The following HS6ST3 variants were observed in gnomAD, a reference collection of about 807,000 sequenced individuals.
HS6ST3 encodes heparan-sulfate 6-O-sulfotransferase 3.
Under a neutral mutation model 36.7 loss-of-function variants are expected in HS6ST3, and 12 were observed. That is an observed-to-expected ratio of 0.33 (90% CI 0.21 to 0.53). HS6ST3 has a LOEUF of 0.53. Ranked by LOEUF, HS6ST3 falls within the 20% of genes least tolerant of loss-of-function variation. The pLI is 0.95. For synonymous variants in HS6ST3, 240 were observed against 257.5 expected, an observed-to-expected ratio of 0.93 and a Z score of 0.65; for missense variants, 584 against 640.9, an observed-to-expected ratio of 0.91 and a Z score of 0.96.
At chr13:96,613,581 A>G (rs2056463459) in intron 1 of HS6ST3, among the ~76,000 whole-genome samples, 1 of 152,242 alleles carries the variant, frequency 6.6e-6, no homozygotes, top group African/African-American at 2.4e-5. Flanking sequence ...TGATATAGAA[A>G]TATAATGATA....
At chr13:96,666,859 G>T (rs1197473711) in intron 1 of HS6ST3, among the ~76,000 whole-genome samples, 1 of 152,108 alleles carries the variant, frequency 6.6e-6, no homozygotes, top group African/African-American at 2.4e-5. Flanking sequence ...ATATAGGAGA[G>T]TGAGTCTAGT....
At chr13:96,818,805 T>C (rs1180011625) in intron 1 of HS6ST3, among the ~76,000 whole-genome samples, 3 of 152,230 alleles carry the variant, frequency 2.0e-5, no homozygotes, top group African/African-American at 7.2e-5. Flanking sequence ...TGGTCTTTTC[T>C]TGATATAGAG....
At chr13:96,383,046 CA>C in intron 1 of HS6ST3, among the ~76,000 whole-genome samples, 1 of 152,196 alleles carries the variant, frequency 6.6e-6, no homozygotes, top group Non-Finnish European at 1.5e-5. Flanking sequence ...AACTTACCTC[CA>C]CACTGTGGTA....
At chr13:96,458,638 C>CAAAA in intron 1 of HS6ST3, among the ~76,000 whole-genome samples, 1 of 59,154 alleles carries the variant, frequency 1.7e-5, no homozygotes, top group Non-Finnish European at 3.6e-5. Flanking sequence ...GTTCTCAAGA[C>CAAAA]AAAAAAAAAA....
chr13:96,280,341 TA>T (rs542176169), intron 1 of HS6ST3, among the ~76,000 whole-genome samples: 127 of 151,320 alleles, frequency 8.4e-4, no homozygotes, highest in Non-Finnish European at 1.4e-3. Context: ...TTCTGTCCAT[TA>T]AAAAAAAATC....
chr13:96,622,898 A>G (rs537404993), intron 1 of HS6ST3, among the ~76,000 whole-genome samples: 2 of 152,186 alleles, frequency 1.3e-5, no homozygotes, highest in East Asian at 3.9e-4. Context: ...CTCTATTTCT[A>G]GACATTCCAG....
chr13:96,795,244 C>A lies in HS6ST3; in HGVS notation c.708-37246C>A, dbSNP rs184229137. Among the ~76,000 whole-genome samples the A allele has an allele frequency of 3.7e-3, 556 of 152,016 alleles. 1 individual carries two copies. Among genetic ancestry groups the A allele is most frequent in the Non-Finnish European group, 6.5e-3 (443 of 67,958 alleles). Reference sequence around the variant, plus strand: ...GTGACTGGTAACATTATTACCCAGTCTTATTATCACAATACTATAATAATA... The same window carrying A: ...GTGACTGGTAACATTATTACCCAGTATTATTATCACAATACTATAATAATA... On this transcript the variant is annotated intron_variant, in intron 1 of 1. Coordinates refer to ENST00000376705, the MANE Select transcript of HS6ST3 (RefSeq NM_153456.4).
chr13:96,513,033 G>T (rs9516714), intron 1 of HS6ST3, among the ~76,000 whole-genome samples: 117,537 of 151,854 alleles, frequency 0.77, 47,815 homozygotes, highest in Non-Finnish European at 0.9. Flanking sequence ...ACACCAATTG[G>T]ATGATTCTAA....
intron 1 of HS6ST3, among the ~76,000 whole-genome samples, chr13:96,722,205 C>T (rs1225092026): frequency 6.6e-6 from 1 of 152,008 alleles, no homozygotes. Flanking sequence ...GCAGAGGTTT[C>T]AGTGAGCCAA....
intron 1 of HS6ST3, among the ~76,000 whole-genome samples, chr13:96,804,808 C>T (rs1199221997): frequency 6.6e-5 from 10 of 152,050 alleles, no homozygotes; most frequent in South Asian, 2.1e-4. Flanking sequence ...GACTTCTATA[C>T]AAAAAAGGCT....
At chr13:96,822,236 T>A (rs1293220613) in intron 1 of HS6ST3, among the ~76,000 whole-genome samples, 1 of 152,202 alleles carries the variant, frequency 6.6e-6, no homozygotes, top group Non-Finnish European at 1.5e-5. Flanking sequence ...GATACCCGCA[T>A]GCATAAACCA....
intron 1 of HS6ST3, among the ~76,000 whole-genome samples, chr13:96,228,684 A>AC (rs1218003979): frequency 6.6e-6 from 1 of 152,094 alleles, no homozygotes; most frequent in African/African-American, 2.4e-5. Context: ...GTTGTTTGCC[A>AC]CCCCTTATTT....
chr13:96,563,910 G>A (rs2056271771), intron 1 of HS6ST3, among the ~76,000 whole-genome samples: 1 of 152,126 alleles, frequency 6.6e-6, no homozygotes, highest in Non-Finnish European at 1.5e-5. Context: ...GCCAGCCTGT[G>A]TGCAGATACC....
chr13:96,277,989 A>G (rs936921785), intron 1 of HS6ST3, among the ~76,000 whole-genome samples: 1 of 152,200 alleles, frequency 6.6e-6, no homozygotes, highest in Non-Finnish European at 1.5e-5. Context: ...AGCATTGTGC[A>G]TTAAGTTTTA....
intron 1 of HS6ST3, among the ~76,000 whole-genome samples, chr13:96,567,544 T>C (rs1240474242): frequency 1.3e-5 from 2 of 152,132 alleles, no homozygotes; most frequent in Non-Finnish European, 2.9e-5. Context: ...TTTCTAGGTA[T>C]TGGAGGATCA....
chr13:96,253,187 A>G (rs999404110), intron 1 of HS6ST3, among the ~76,000 whole-genome samples: 1 of 151,940 alleles, frequency 6.6e-6, no homozygotes, highest in African/African-American at 2.4e-5. Flanking sequence ...AGTTAGTAGA[A>G]TCTGCAGTTG....
chr13:96,296,840 C>T (rs915808259), intron 1 of HS6ST3, among the ~76,000 whole-genome samples: 1 of 152,122 alleles, frequency 6.6e-6, no homozygotes, highest in Non-Finnish European at 1.5e-5. Flanking sequence ...ATCGTCCCTT[C>T]TCTTTATTCT....
intron 1 of HS6ST3, among the ~76,000 whole-genome samples, chr13:96,322,928 A>G (rs919048152): frequency 1.3e-5 from 2 of 152,058 alleles, no homozygotes; most frequent in Non-Finnish European, 2.9e-5. Context: ...TTTTCACTTG[A>G]TTTCCAGGAC....
At chr13:96,218,780 T>A (rs1481233626) in intron 1 of HS6ST3, among the ~76,000 whole-genome samples, 1 of 152,188 alleles carries the variant, frequency 6.6e-6, no homozygotes, top group East Asian at 1.9e-4. Context: ...GCTGCTGGAC[T>A]GAGTCTCTGT....
Sources: gnomAD v4.1 joint callset for allele counts (sites outside exome capture counted in the v4.1 genomes callset) on GRCh38, gnomAD v4.1.1 for gene constraint, MANE v1.5 for transcripts, NCBI Gene and HGNC (gene_info 2026-07-23, HGNC 2026-07-21) for gene names.